The following CDKAL1 variants were observed in gnomAD, a reference collection of about 807,000 sequenced individuals.
CDKAL1 encodes threonylcarbamoyladenosine tRNA methylthiotransferase.
In CDKAL1, 32 loss-of-function variants were observed where a neutral mutation model predicts 68.2. The observed-to-expected ratio is 0.47, with a 90% CI of 0.35 to 0.63. CDKAL1 has a LOEUF of 0.63. CDKAL1 is among the 30% of genes least tolerant of loss of function. CDKAL1 has a pLI of 0.00. For missense variants in CDKAL1, 606 were observed against 696.7 expected (o/e 0.87, Z 1.47); for synonymous variants, 234 against 244.3 (o/e 0.96, Z 0.39).
At chr6:20,847,168 T>C (rs528457990) in intron 9 of CDKAL1, among the ~76,000 whole-genome samples, 47 of 152,218 alleles carry the variant, frequency 3.1e-4, no homozygotes, top group African/African-American at 9.6e-5. Flanking sequence ...TCTACTTGTA[T>C]ATTCTTAGCT....
chr6:20,609,533 T>C (rs111369276), intron 4 of CDKAL1, among the ~76,000 whole-genome samples: 3 of 151,692 alleles, frequency 2.0e-5, no homozygotes, highest in African/African-American at 4.8e-5. Flanking sequence ...GTAGCTAGGA[T>C]TACAGGTGTG....
At chr6:21,228,732 A>C (rs978912778) in intron 15 of CDKAL1, among the ~76,000 whole-genome samples, 13 of 152,190 alleles carry the variant, frequency 8.5e-5, no homozygotes, top group Non-Finnish European at 1.8e-4. Context: ...CTTTTGAGGA[A>C]CTCACATAGT....
intron 4 of CDKAL1, among the ~76,000 whole-genome samples, chr6:20,636,229 T>C (rs1251232016): frequency 1.3e-5 from 2 of 152,172 alleles, no homozygotes; most frequent in South Asian, 2.1e-4. Context: ...ATACTCACTA[T>C]GTCGAGGTGG....
intron 9 of CDKAL1, among the ~76,000 whole-genome samples, chr6:20,858,014 G>A (rs1022906095): frequency 2.6e-5 from 4 of 152,144 alleles, no homozygotes; most frequent in African/African-American, 9.6e-5. Context: ...CGCATGCCAC[G>A]ACCCTGGCTA....
chr6:21,105,086 T>C (rs1773782157), intron 12 of CDKAL1, among the ~76,000 whole-genome samples: 1 of 152,224 alleles, frequency 6.6e-6, no homozygotes. Flanking sequence ...AGTGTTAGCA[T>C]CCGTCATTTT....
At chr6:20,600,997 G>A (rs1285089221) in intron 4 of CDKAL1, among the ~76,000 whole-genome samples, 1 of 151,914 alleles carries the variant, frequency 6.6e-6, no homozygotes, top group Non-Finnish European at 1.5e-5. Flanking sequence ...AGTGCTGAAT[G>A]AGAAACAGTC....
chr6:20,810,627 GGTGTGT>G (rs57000695), intron 8 of CDKAL1, among the ~76,000 whole-genome samples: 41,490 of 134,536 alleles, frequency 0.31, 6,390 homozygotes, highest in Non-Finnish European at 0.33. Flanking sequence ...TGTATGTATG[GGTGTGT>G]GTGTGTGTGT....
In CDKAL1 at chr6:20,785,266, A is replaced by G. The variant is rs976191108; in HGVS notation, c.638+4001A>G. Among the ~76,000 whole-genome samples, 5 of 147,624 alleles carry G rather than the reference A, an allele frequency of 3.4e-5. No homozygotes were observed. The South Asian group carries it at 1.1e-3, about 32-fold the overall frequency. ...CTCACATGAAAGCATTCCCATACGTATTTGTCCACACTATCATTCTATAAC... is the reference window on the plus strand; with the variant it reads ...CTCACATGAAAGCATTCCCATACGTGTTTGTCCACACTATCATTCTATAAC... On this transcript the variant is annotated intron_variant, in intron 8 of 15. Transcript: ENST00000274695.
chr6:20,965,646 A>C (rs981671043), intron 10 of CDKAL1, among the ~76,000 whole-genome samples: 4 of 152,182 alleles, frequency 2.6e-5, no homozygotes, highest in Non-Finnish European at 5.9e-5. Flanking sequence ...ACTTCCGTTT[A>C]TATAGAAGAG....
chr6:20,545,763 G>T (rs1763575379), intron 2 of CDKAL1, among the ~76,000 whole-genome samples: 1 of 152,124 alleles, frequency 6.6e-6, no homozygotes, highest in African/African-American at 2.4e-5. Context: ...TGGCTAGCCA[G>T]TCTATTTTTT....
At chr6:20,917,902 A>G (rs1422871118) in intron 9 of CDKAL1, among the ~76,000 whole-genome samples, 1 of 152,242 alleles carries the variant, frequency 6.6e-6, no homozygotes. Context: ...CAGAACCCTC[A>G]TGAGTGGGAT....
chr6:20,595,796 A>G (rs1394590532), intron 4 of CDKAL1, among the ~76,000 whole-genome samples: 1 of 152,072 alleles, frequency 6.6e-6, no homozygotes, highest in East Asian at 1.9e-4. Flanking sequence ...GTTTTTCCTC[A>G]TCTTCGTGGA....
chr6:21,032,978 A>T (rs1295946987), intron 11 of CDKAL1, among the ~76,000 whole-genome samples: 2 of 152,172 alleles, frequency 1.3e-5, no homozygotes, highest in African/African-American at 4.8e-5. Flanking sequence ...TGTACTTTTG[A>T]CATTTGGCTA....
intron 15 of CDKAL1, 150 bp from the exon 16 acceptor site, chr6:21,230,698 C>A (rs867047112): frequency 4.9e-5 from 27 of 549,644 alleles, no homozygotes; most frequent in Middle Eastern, 9.7e-4. Context: ...TACCTTGGGG[C>A]CACCTGGCCC....
At chr6:20,650,911 A>G (rs192814742) in intron 5 of CDKAL1, among the ~76,000 whole-genome samples, 5 of 152,162 alleles carry the variant, frequency 3.3e-5, no homozygotes, top group East Asian at 1.9e-4. Context: ...TCCTTGGTCT[A>G]TGTATCTGTT....
At chr6:20,537,245 A>G (rs926279484) in intron 2 of CDKAL1, among the ~76,000 whole-genome samples, 5 of 152,178 alleles carry the variant, frequency 3.3e-5, no homozygotes, top group African/African-American at 7.2e-5. Context: ...GACAGTTTCT[A>G]TGTTCACATA....
intron 4 of CDKAL1, among the ~76,000 whole-genome samples, chr6:20,591,581 T>G (rs1765594068): frequency 6.6e-6 from 1 of 152,184 alleles, no homozygotes; most frequent in Non-Finnish European, 1.5e-5. Context: ...GTTTCAGTTT[T>G]TTGCATATGG....
chr6:20,613,081 C>T (rs1766702472), intron 4 of CDKAL1, among the ~76,000 whole-genome samples: 1 of 151,000 alleles, frequency 6.6e-6, no homozygotes. Flanking sequence ...TGTACACACA[C>T]ACACATATAT....
intron 9 of CDKAL1, among the ~76,000 whole-genome samples, chr6:20,859,522 G>T (rs1759505968): frequency 6.6e-6 from 1 of 152,184 alleles, no homozygotes; most frequent in African/African-American, 2.4e-5. Flanking sequence ...TCCCCAAGCT[G>T]CTGTCACCCA....
Sources: allele counts gnomAD v4.1 joint callset (sites outside exome capture counted in the v4.1 genomes callset), GRCh38; gene constraint gnomAD v4.1.1; transcripts MANE v1.5; gene names NCBI Gene and HGNC (gene_info 2026-07-23, HGNC 2026-07-21).